DNAAF11: variants seen among roughly 807,000 people sequenced by gnomAD.
DNAAF11 encodes dynein axonemal assembly factor 11, also known as leucine rich repeat containing 6.
Under a neutral mutation model 60.8 loss-of-function variants are expected in DNAAF11, and 45 were observed. The observed-to-expected ratio is 0.74, with a 90% CI of 0.58 to 0.95. The LOEUF is 0.95. DNAAF11 is among the 40% of genes least tolerant of loss of function. The pLI, the probability that DNAAF11 is intolerant of heterozygous loss-of-function variation, is 0.00. For missense variants in DNAAF11, 546 were observed against 546.2 expected (o/e 1.00, Z 0.00); for synonymous variants, 191 against 183.5 (o/e 1.04, Z -0.33).
chr8:132,701,352 A>T, the DNAAF11 span, among the ~76,000 whole-genome samples: 7 of 152,340 alleles, frequency 4.6e-5, no homozygotes, highest in East Asian at 1.3e-3. Flanking sequence ...ATGACCACAG[A>T]GGAAATGATC....
the DNAAF11 span, among the ~76,000 whole-genome samples, chr8:132,690,273 G>T: frequency 6.6e-6 from 1 of 152,082 alleles, no homozygotes; most frequent in Non-Finnish European, 1.5e-5. Context: ...GGAGTTGATT[G>T]GATCATGGGG....
chr8:132,633,625 C>T (rs1265359511), intron 4 of DNAAF11, among the ~76,000 whole-genome samples: 1 of 152,114 alleles, frequency 6.6e-6, no homozygotes, highest in Admixed American at 6.5e-5. Context: ...TGTCCATGTT[C>T]TAATCTCCAT....
At chr8:132,662,967 T>G (rs1002440271) in intron 1 of DNAAF11, among the ~76,000 whole-genome samples, 1 of 152,242 alleles carries the variant, frequency 6.6e-6, no homozygotes. Context: ...CTGCTACTTC[T>G]AGTGGTAGGA....
intron 3 of DNAAF11, among the ~76,000 whole-genome samples, chr8:132,642,869 T>C (rs991109088): frequency 1.3e-5 from 2 of 152,236 alleles, no homozygotes; most frequent in Non-Finnish European, 2.9e-5. Context: ...GAAGATTCTC[T>C]GAACGGATAT....
At position 132,661,493 on chromosome 8, in the gene DNAAF11, G is replaced by C. The variant is rs775099366; in HGVS notation, c.145C>G (p.Leu49Val). Residue 49 changes from leucine (L) to valine (V), a missense_variant, in exon 2 of 12, where the codon CTC becomes GTC. By Grantham distance (32) the Leu-to-Val change is conservative. Transcript: ENST00000620350. ...IDKWCRDLKI[L>V]YLQNNLIGKI... ...CCAATAAGATTATTTTGAAGATAGA[G>C]AATTTTTAAATCCCGGCACCATTTA... 4 of 1,613,064 alleles carry C rather than the reference G, an allele frequency of 2.5e-6. No individual in the cohort carries two copies. Among genetic ancestry groups the C allele is most frequent in the Non-Finnish European group, 3.4e-6 (4 of 1,179,578 alleles).
chr8:132,581,812 T>C (rs1482435861), intron 11 of DNAAF11, among the ~76,000 whole-genome samples: 1 of 152,136 alleles, frequency 6.6e-6, no homozygotes, highest in Non-Finnish European at 1.5e-5. Context: ...ATCTGCAGTG[T>C]TATTCTTGAA....
intron 1 of DNAAF11, 42 bp downstream of exon 1, chr8:132,675,442 A>C (rs754260953): frequency 1.8e-5 from 28 of 1,552,078 alleles, no homozygotes; most frequent in Non-Finnish European, 2.4e-5. Context: ...GACTACTTCC[A>C]CAAGGGGAAC....
intron 1 of DNAAF11, 184 bp downstream of exon 1, chr8:132,675,300 G>A (rs1042146005): frequency 1.2e-5 from 7 of 573,008 alleles, no homozygotes; most frequent in South Asian, 1.1e-4. Context: ...CAGGCTGTCC[G>A]GCCAGTCTGC....
chr8:132,646,436 C>A (rs1313416308), intron 3 of DNAAF11, among the ~76,000 whole-genome samples: 2 of 152,164 alleles, frequency 1.3e-5, no homozygotes, highest in Admixed American at 1.3e-4. Flanking sequence ...AACTAACAAG[C>A]AAAATAACCA....
Position 132,634,399 on chromosome 8 carries a change from CAT to C in DNAAF11, c.430-1438_430-1437del, listed in dbSNP as rs1169104681. Reference sequence around the variant, plus strand: ...AGCATTGTTTCTGTAGAAATATGGCCATACAGTCACAGGTTTCATAAGGCTGT... The same window carrying C: ...AGCATTGTTTCTGTAGAAATATGGCCACAGTCACAGGTTTCATAAGGCTGT... On this transcript the variant is annotated intron_variant, in intron 4 of 11. Transcript: ENST00000620350. Among the ~76,000 whole-genome samples the C allele has an allele frequency of 4.6e-5, 7 of 152,220 alleles. No individual in the cohort carries two copies. In the East Asian group the frequency reaches 1.4e-3, roughly 29 times the overall value.
chr8:132,618,969 A>T (rs1819476821), intron 7 of DNAAF11, among the ~76,000 whole-genome samples: 1 of 152,122 alleles, frequency 6.6e-6, no homozygotes, highest in Non-Finnish European at 1.5e-5. Flanking sequence ...AAGGACTATA[A>T]ATCATGCTGC....
chr8:132,600,455 C>T lies in DNAAF11; in HGVS notation c.1140+9711G>A, dbSNP rs148345747. Among the ~76,000 whole-genome samples, 327 of 152,230 alleles carry T rather than the reference C, an allele frequency of 2.1e-3. 1 individual carries two copies. The highest frequency in any genetic ancestry group is 7.0e-3 in the African/African-American group (291 of 41,542). ...GTTCATATGTAACCAAAAAAGGGCCCGCATTGCCAAGAAAATCCTAAGCAA... is the reference window on the plus strand; with the variant it reads ...GTTCATATGTAACCAAAAAAGGGCCTGCATTGCCAAGAAAATCCTAAGCAA... On this transcript the variant is annotated intron_variant, in intron 10 of 11. Coordinates refer to ENST00000620350, the MANE Select transcript of DNAAF11 (RefSeq NM_012472.6).
intron 11 of DNAAF11, among the ~76,000 whole-genome samples, chr8:132,576,061 T>C (rs1480235475): frequency 1.3e-5 from 2 of 152,216 alleles, no homozygotes; most frequent in African/African-American, 4.8e-5. Context: ...GGGAGTGTGT[T>C]TATTTTTAGG....
At chr8:132,688,385 C>T in the DNAAF11 span, among the ~76,000 whole-genome samples, 7 of 152,178 alleles carry the variant, frequency 4.6e-5, no homozygotes, top group South Asian at 2.1e-4. Context: ...TGAATTTTCA[C>T]GAAGGAGCTT....
At chr8:132,675,773 C>G (rs1258586883), upstream of DNAAF11, among the ~76,000 whole-genome samples, 1 of 152,240 alleles carries the variant, frequency 6.6e-6, no homozygotes. Flanking sequence ...GACTGCTTCC[C>G]TCTCCCTGAA....
chr8:132,661,733 A>G, intron 1 of DNAAF11, 106 bp from the exon 2 acceptor site: 1 of 1,211,820 alleles, frequency 8.3e-7, no homozygotes, highest in Admixed American at 1.9e-5. Flanking sequence ...TTGCAGTTGA[A>G]TGTCAATTTT....
At chr8:132,648,615 T>C (rs201516151) in intron 3 of DNAAF11, among the ~76,000 whole-genome samples, 4 of 152,102 alleles carry the variant, frequency 2.6e-5, no homozygotes, top group Admixed American at 2.6e-4. Context: ...AAAACCCCAT[T>C]GTCTCAGCCA....
At chr8:132,581,661 C>CAAAAA (rs59380140) in intron 11 of DNAAF11, among the ~76,000 whole-genome samples, 32 of 82,926 alleles carry the variant, frequency 3.9e-4, no homozygotes, top group South Asian at 8.9e-4. Context: ...GACTCTGCCT[C>CAAAAA]AAAAAAAAAA....
chr8:132,596,752 A>C (rs143790077), intron 10 of DNAAF11, among the ~76,000 whole-genome samples: 1 of 152,142 alleles, frequency 6.6e-6, no homozygotes, highest in Non-Finnish European at 1.5e-5. Flanking sequence ...AAGCTTCAAT[A>C]TCAGGAACAC....
Sources: allele counts gnomAD v4.1 joint callset (sites outside exome capture counted in the v4.1 genomes callset), GRCh38; gene constraint gnomAD v4.1.1; transcripts MANE v1.5; gene names NCBI Gene and HGNC (gene_info 2026-07-23, HGNC 2026-07-21).